The following PDE7B variants were observed in gnomAD, a reference collection of about 807,000 sequenced individuals.
PDE7B encodes the protein phosphodiesterase 7B, also known as 3',5'-cyclic-AMP phosphodiesterase 7B.
PDE7B carries 29 observed loss-of-function variants against 56.2 expected under a neutral mutation model. That is an observed-to-expected ratio of 0.52 (90% CI 0.38 to 0.70). PDE7B has a LOEUF of 0.70. Ranked by LOEUF, PDE7B falls within the 30% of genes least tolerant of loss-of-function variation. PDE7B has a pLI of 0.00. For synonymous variants in PDE7B, 197 were observed against 196.9 expected, an observed-to-expected ratio of 1.00 and a Z score of 0.00; for missense variants, 490 against 565.0, an observed-to-expected ratio of 0.87 and a Z score of 1.35.
chr6:135,929,562 G>A (rs1413926204), intron 1 of PDE7B, among the ~76,000 whole-genome samples: 1 of 151,986 alleles, frequency 6.6e-6, no homozygotes, highest in Non-Finnish European at 1.5e-5. Context: ...AACTTCACTG[G>A]GGTTGTTTGT....
chr6:136,103,441 T>C (rs1372344969), intron 2 of PDE7B, among the ~76,000 whole-genome samples: 1 of 152,178 alleles, frequency 6.6e-6, no homozygotes, highest in Non-Finnish European at 1.5e-5. Flanking sequence ...CTTAGTTAAT[T>C]TGGAGAGTAG....
intron 3 of PDE7B, among the ~76,000 whole-genome samples, chr6:136,130,340 T>A (rs1778096443): frequency 6.6e-6 from 1 of 152,100 alleles, no homozygotes; most frequent in Non-Finnish European, 1.5e-5. Flanking sequence ...TCCTCATTCC[T>A]TTTCTACTGC....
At chr6:135,961,681 A>T (rs1195024464) in intron 2 of PDE7B, among the ~76,000 whole-genome samples, 3 of 152,300 alleles carry the variant, frequency 2.0e-5, no homozygotes, top group Middle Eastern at 3.4e-3. Context: ...TGTCCCACAA[A>T]TGATCCTAGT....
intron 8 of PDE7B, among the ~76,000 whole-genome samples, chr6:136,173,125 A>G (rs1184340528): frequency 2.0e-5 from 3 of 152,202 alleles, no homozygotes; most frequent in Non-Finnish European, 4.4e-5. Flanking sequence ...ACTACCAATG[A>G]CTTTCTTCAC....
intron 2 of PDE7B, among the ~76,000 whole-genome samples, chr6:136,076,390 T>C (rs1777128919): frequency 6.6e-6 from 1 of 152,106 alleles, no homozygotes; most frequent in South Asian, 2.1e-4. Flanking sequence ...GGAGAATTGC[T>C]TGAACCCAGG....
In PDE7B at chr6:135,959,011, A is replaced by G. The variant is rs373921246; in HGVS notation, c.82+11487A>G. On this transcript the variant is annotated intron_variant, in intron 2 of 12. Coordinates refer to ENST00000308191, the MANE Select transcript of PDE7B (RefSeq NM_018945.4). Reference sequence around the variant, plus strand: ...CCCAACCACATAGGAGCCTAATTTGATTTGTAGTCAACATTTTTTACATTT... The same window carrying G: ...CCCAACCACATAGGAGCCTAATTTGGTTTGTAGTCAACATTTTTTACATTT... 9.8e-5 allele frequency among the ~76,000 whole-genome samples: 15 copies of G among 152,286 alleles called. 1 individual carries two copies. The highest frequency in any genetic ancestry group is 5.2e-4 in the Admixed American group (8 of 15,284).
intron 2 of PDE7B, among the ~76,000 whole-genome samples, chr6:136,095,145 T>TTTTGATAAAGCTGCATGTTTCCCAAA (rs1777452495): frequency 1.3e-5 from 2 of 152,218 alleles, no homozygotes; most frequent in Admixed American, 1.3e-4. Flanking sequence ...AAAAAATTAA[T>TTTTGATAAAGCTGCATGTTTCCCAAA]TTTGATAAAC....
chr6:136,093,474 T>C (rs1045236348), intron 2 of PDE7B, among the ~76,000 whole-genome samples: 11 of 152,250 alleles, frequency 7.2e-5, no homozygotes, highest in African/African-American at 1.2e-4. Context: ...CTCCCTAAAA[T>C]ACATGTATTT....
chr6:135,988,768 G>C (rs1431651871), intron 2 of PDE7B, among the ~76,000 whole-genome samples: 1 of 152,160 alleles, frequency 6.6e-6, no homozygotes, highest in Non-Finnish European at 1.5e-5. Flanking sequence ...TGAGATAAGA[G>C]TTTTGTTGTC....
chr6:135,942,729 G>A (rs1774526685), intron 1 of PDE7B, among the ~76,000 whole-genome samples: 1 of 151,910 alleles, frequency 6.6e-6, no homozygotes, highest in Non-Finnish European at 1.5e-5. Flanking sequence ...ATTCAACATA[G>A]AAGTGAGATC....
intron 2 of PDE7B, among the ~76,000 whole-genome samples, chr6:136,030,629 A>C (rs1325552414): frequency 6.6e-6 from 1 of 152,204 alleles, no homozygotes; most frequent in African/African-American, 2.4e-5. Flanking sequence ...TCATGCCTGG[A>C]ATATCACAGT....
intron 2 of PDE7B, among the ~76,000 whole-genome samples, chr6:136,007,180 T>A (rs1421148062): frequency 6.6e-6 from 1 of 152,204 alleles, no homozygotes; most frequent in East Asian, 1.9e-4. Flanking sequence ...GTGGCTTTTG[T>A]CTTTACTTCT....
rs1774616275 is a variant in PDE7B at position 135,947,620 on chromosome 6, A to G, written c.82+96A>G. ...TTTGGCTGTCTCTCATTCTGTTTTG[A>G]AGAGGCTGATAGGTTCTTTTGTGGT... On this transcript the variant is annotated intron_variant, in intron 2 of 12. Transcript: ENST00000308191. 7 of 871,598 alleles carry G rather than the reference A, an allele frequency of 8.0e-6. 1 individual carries two copies. In the African/African-American group the frequency reaches 8.2e-5, roughly 10 times the overall value. 54.0% of individuals were successfully genotyped at this position (871,598 alleles called of 1,614,324 possible).
intron 1 of PDE7B, among the ~76,000 whole-genome samples, chr6:135,890,023 G>A (rs1468470374): frequency 1.3e-5 from 2 of 152,064 alleles, no homozygotes; most frequent in Non-Finnish European, 2.9e-5. Context: ...AAAGTACTGG[G>A]ATTACAGGCA....
chr6:135,888,605 C>T (rs969780153), intron 1 of PDE7B, among the ~76,000 whole-genome samples: 1 of 150,710 alleles, frequency 6.6e-6, no homozygotes, highest in Non-Finnish European at 1.5e-5. Flanking sequence ...AATATAGATC[C>T]AAGAAGAACA....
rs1171656975 is a variant in PDE7B, at chr6:136,038,200, C to CAGCAGA, written c.83-70523_83-70518dup. ...TCCCCTGTGGTAGCAGCAGCAGCAG[C>CAGCAGA]AGCAGAAGCAGAAACAGCAGCAGCA... On this transcript the variant is annotated intron_variant, in intron 2 of 12. Coordinates refer to ENST00000308191, the MANE Select transcript of PDE7B (RefSeq NM_018945.4). The CAGCAGA allele has an allele frequency of 8.5e-6, 11 of 1,299,232 alleles. No individual in the cohort carries two copies. In the Middle Eastern group the frequency reaches 8.4e-4, roughly 100 times the overall value. 80.5% of individuals were successfully genotyped at this position (1,299,232 alleles called of 1,614,324 possible). A position where few individuals can be genotyped will look rare whatever the true frequency, so the allele number is the denominator to read the frequency against.
chr6:136,072,833 C>G (rs908160877), intron 2 of PDE7B: 8 of 152,144 alleles, frequency 5.3e-5, no homozygotes, highest in African/African-American at 1.9e-4. Context: ...GGCCTGGTTG[C>G]CATGGTGGAT....
At chr6:136,102,533 T>C (rs1777581118) in intron 2 of PDE7B, among the ~76,000 whole-genome samples, 1 of 152,208 alleles carries the variant, frequency 6.6e-6, no homozygotes, top group East Asian at 1.9e-4. Context: ...CCAGATTTCA[T>C]AGTCCCCAAG....
chr6:135,901,031 C>G lies in PDE7B; in HGVS notation c.22-46433C>G, dbSNP rs138705905. On this transcript the variant is annotated intron_variant, in intron 1 of 12. Coordinates refer to ENST00000308191, the MANE Select transcript of PDE7B (RefSeq NM_018945.4). ...TTTTGAATGCCACCTTGGACTTCCA[C>G]TTATAGAACTGCTAGAAATGTGACC... 2.9e-3 allele frequency among the ~76,000 whole-genome samples: 436 copies of G among 152,298 alleles called. 1 individual carries two copies. Among genetic ancestry groups the G allele is most frequent in the South Asian group, 0.014 (66 of 4,828 alleles).
Sources: allele counts gnomAD v4.1 joint callset (sites outside exome capture counted in the v4.1 genomes callset), GRCh38; gene constraint gnomAD v4.1.1; transcripts MANE v1.5; gene names NCBI Gene and HGNC (gene_info 2026-07-23, HGNC 2026-07-21).